TKTL1: variants seen among roughly 807,000 people sequenced by gnomAD.
The protein encoded by TKTL1 is transketolase-like protein 1.
A neutral mutation model predicts 39.3 loss-of-function variants in TKTL1; 1 was observed. The ratio of observed to expected loss-of-function variants is 0.03; its 90% CI spans 0.01 to 0.12. TKTL1 has a LOEUF of 0.12. Ranked by LOEUF, TKTL1 falls within the 10% of genes least tolerant of loss-of-function variation. The probability of loss-of-function intolerance (pLI) is 1.00; values close to 1 mark genes in which losing one functional copy is unlikely to be tolerated. For missense variants in TKTL1, 575 were observed against 509.6 expected (o/e 1.13, Z -1.24); for synonymous variants, 262 against 193.8 (o/e 1.35, Z -2.92).
chrX:154,302,934 A>G (rs1262849450), intron 1 of TKTL1, among the ~76,000 whole-genome samples: 1 of 110,930 alleles, frequency 9.0e-6, no homozygotes, highest in East Asian at 2.8e-4. Flanking sequence ...CTGGAGAGGC[A>G]GGGGCGAGGG....
rs148002032 is a variant in TKTL1 at position 154,302,536 on chromosome X, G to T, written c.135-2768G>T. 7.1e-3 allele frequency among the ~76,000 whole-genome samples: 788 copies of T among 110,923 alleles called. 5 individuals are homozygous for T. Among genetic ancestry groups the T allele is most frequent in the African/African-American group, 0.024 (744 of 30,451 alleles). ...TCCAGCCTCTTCTCATAAAGGCGCT[G>T]ATCCCATTCATGAGGGCTCCACTCT... On this transcript the variant is annotated intron_variant, in intron 1 of 12. Transcript: ENST00000369915.
intron 8 of TKTL1, 50 bp downstream of exon 8, chrX:154,320,963 A>G: frequency 1.7e-6 from 2 of 1,147,245 alleles, no homozygotes; most frequent in Non-Finnish European, 2.4e-6. Context: ...CTTCACAGAG[A>G]AAGATTAGCA....
Position 154,311,034 on chromosome X carries a change from G to C in TKTL1, c.542+7G>C. 8.3e-7 allele frequency: 1 copy of C among 1,211,507 alleles called. No homozygotes were observed. Among genetic ancestry groups the C allele is most frequent in the South Asian group, 1.8e-5 (1 of 56,953 alleles). On this transcript the variant is annotated splice_region_variant and intron_variant, in intron 4 of 12. Transcript: ENST00000369915. ...GGCGCTGCGAAGCCTTTGGGTAACT[G>C]TATTCTCTTGTGCTTGATTTCCATT... is the stretch of plus-strand genomic sequence containing the variant.
In TKTL1 at chrX:154,312,707, C is replaced by G. The variant is rs782663705; in HGVS notation, c.798C>G (p.Asp266Glu). The G allele has an allele frequency of 3.3e-6, 4 of 1,211,691 alleles. No individual in the cohort carries two copies. The highest frequency in any genetic ancestry group is 1.7e-5 in the African/African-American group (1 of 57,806). ...TTGACCCACAGCCCCCCATTGAGGA[C>G]TCACCTGAAGTCAACATCACAGATG... ...RNLDPQPPIE[D>E]SPEVNITDVR... is the part of the protein sequence containing the mutation. Residue 266 changes from aspartate to glutamate, a missense_variant, in exon 6 of 13, where the codon GAC becomes GAG. Physicochemically the swap from Asp to Glu is conservative, Grantham distance 45. Transcript: ENST00000369915.
At chrX:154,303,603 C>T (rs1328115545) in intron 1 of TKTL1, among the ~76,000 whole-genome samples, 1 of 104,328 alleles carries the variant, frequency 9.6e-6, no homozygotes, top group Non-Finnish European at 2.0e-5. Context: ...TGCGTTTGGC[C>T]CCCTTCCATT....
rs56066989 is a variant in TKTL1, at chrX:154,295,805, C to T, written c.-55C>T. 17,957 of 1,185,046 alleles carry T rather than the reference C, an allele frequency of 0.015. 110 individuals carry two copies. The highest frequency in any genetic ancestry group is 0.019 in the Non-Finnish European group (16,442 of 880,731). On this transcript the variant is annotated 5_prime_UTR_variant, in exon 1 of 13. Coordinates refer to ENST00000369915, the MANE Select transcript of TKTL1 (RefSeq NM_012253.4). ...GGGCAGCTCGCAGGCGCCATTCGCT[C>T]TTCAGACGCCGGAGACGTAGGAGTG...
At chrX:154,325,936 A>G (rs1397998471) in intron 10 of TKTL1, among the ~76,000 whole-genome samples, 1 of 112,157 alleles carries the variant, frequency 8.9e-6, no homozygotes, top group Non-Finnish European at 1.9e-5. Context: ...GTGAGCTATG[A>G]TGGATCACAC....
At chrX:154,324,025 T>TG (rs1206736470) in intron 9 of TKTL1, among the ~76,000 whole-genome samples, 3 of 112,997 alleles carry the variant, frequency 2.7e-5, no homozygotes, top group Non-Finnish European at 5.6e-5. Flanking sequence ...ACAGTCGGGA[T>TG]GGGGACTGTA....
At chrX:154,320,988 C>A in intron 8 of TKTL1, 75 bp downstream of exon 8, 3 of 1,038,017 alleles carry the variant, frequency 2.9e-6, no homozygotes, top group South Asian at 3.9e-5. Context: ...ATTGGTTAAA[C>A]CACGAATTTC....
At chrX:154,323,805 G>GC (rs1184911184) in intron 9 of TKTL1, among the ~76,000 whole-genome samples, 3 of 112,535 alleles carry the variant, frequency 2.7e-5, no homozygotes, top group Non-Finnish European at 5.6e-5. Flanking sequence ...CCTGGCCCTG[G>GC]CTTGCCTTTG....
At chrX:154,302,681 T>A (rs782065225) in intron 1 of TKTL1, among the ~76,000 whole-genome samples, 3 of 112,005 alleles carry the variant, frequency 2.7e-5, no homozygotes, top group Non-Finnish European at 5.6e-5. Context: ...CCTGTGAATG[T>A]GATCTTATTT....
In TKTL1 at chrX:154,318,603, G is replaced by T. The variant is rs781846211; in HGVS notation, c.1030-2154G>T. 5.7e-3 allele frequency among the ~76,000 whole-genome samples: 612 copies of T among 107,139 alleles called. 8 individuals are homozygous for T. The highest frequency in any genetic ancestry group is 0.02 in the African/African-American group (589 of 29,361). 93.0% of individuals were successfully genotyped at this position (107,139 alleles called of 115,157 possible). On this transcript the variant is annotated intron_variant, in intron 7 of 12. Transcript: ENST00000369915. ...GGTGCCTGTAGTCCCAGCTACTCGG[G>T]AGGCTGAGGCAGGAGAATGGCGTGA...
intron 10 of TKTL1, chrX:154,327,041 C>CT (rs1239176964): frequency 5.9e-6 from 1 of 169,740 alleles, no homozygotes; most frequent in African/African-American, 3.0e-5. Context: ...AGGCAACAAT[C>CT]TATGAAAGAA....
intron 6 of TKTL1, among the ~76,000 whole-genome samples, chrX:154,313,915 C>T (rs1172504476): frequency 2.9e-5 from 3 of 104,509 alleles, no homozygotes; most frequent in Non-Finnish European, 5.8e-5. Context: ...GCCTGGGCAA[C>T]GGAGCGAGAC....
In TKTL1 at chrX:154,305,352, C is replaced by G; in HGVS notation, c.183C>G (p.Phe61Leu). The change falls in exon 2 of 13, where the codon TTC (phenylalanine) becomes TTG (leucine). Residue 61 changes from phenylalanine to leucine, a missense_variant. Phe to Leu is a conservative substitution (Grantham distance 22). Coordinates refer to ENST00000369915, the MANE Select transcript of TKTL1 (RefSeq NM_012253.4). ...SSSSEIMSVL[F>L]FYIMRYKQSD... The stretch of plus-strand genomic sequence containing the variant: ...CTTCTGAGATCATGTCTGTGCTGTT[C>G]TTCTACATCATGAGGTACAAGCAGT... 2.5e-6 allele frequency: 3 copies of G among 1,210,622 alleles called. No homozygotes were observed. Among genetic ancestry groups the G allele is most frequent in the African/African-American group, 1.7e-5 (1 of 57,762 alleles).
chrX:154,306,398 C>CT (rs1253410190), intron 2 of TKTL1, among the ~76,000 whole-genome samples: 2 of 111,565 alleles, frequency 1.8e-5, no homozygotes, highest in Non-Finnish European at 3.8e-5. Context: ...CTGGGCATAG[C>CT]TGAAGTAAGT....
intron 2 of TKTL1, among the ~76,000 whole-genome samples, chrX:154,307,994 G>C (rs1226767696): frequency 8.9e-6 from 1 of 111,897 alleles, no homozygotes; most frequent in African/African-American, 3.2e-5. Context: ...CAAGAAGCAG[G>C]AGATCAGAGA....
intron 1 of TKTL1, among the ~76,000 whole-genome samples, chrX:154,301,422 C>T (rs947134621): frequency 1.4e-4 from 15 of 110,832 alleles, no homozygotes; most frequent in Non-Finnish European, 2.3e-4. Context: ...GAGGCCGAGG[C>T]AGGAAAATCA....
chrX:154,321,067 G>C (rs1557170635), intron 8 of TKTL1, among the ~76,000 whole-genome samples, 154 bp downstream of exon 8: 1 of 108,728 alleles, frequency 9.2e-6, no homozygotes, highest in Admixed American at 9.8e-5. Flanking sequence ...CTTTAAAAGT[G>C]TCAGACTCTC....
Sources: gnomAD v4.1 joint callset for allele counts (sites outside exome capture counted in the v4.1 genomes callset) on GRCh38, gnomAD v4.1.1 for gene constraint, MANE v1.5 for transcripts, NCBI Gene and HGNC (gene_info 2026-07-23, HGNC 2026-07-21) for gene names.